The following GAS2 variants were observed in gnomAD, a reference collection of about 807,000 sequenced individuals.
GAS2 encodes the protein growth arrest-specific protein 2.
In GAS2, 20 loss-of-function variants were observed where a neutral mutation model predicts 37.5. The observed-to-expected ratio is 0.53, with a 90% CI of 0.37 to 0.77. The LOEUF is 0.77. Among genes scored for constraint, GAS2 ranks in the 30% least tolerant of loss-of-function variants. The pLI is 0.00. For missense variants in GAS2, 336 were observed against 373.4 expected, an observed-to-expected ratio of 0.90 and a Z score of 0.82; for synonymous variants, 144 against 132.2, an observed-to-expected ratio of 1.09 and a Z score of -0.61.
intron 3 of GAS2, among the ~76,000 whole-genome samples, chr11:22,721,194 T>G (rs2061240192): frequency 6.6e-6 from 1 of 152,002 alleles, no homozygotes; most frequent in African/African-American, 2.4e-5. Flanking sequence ...ACTTACAACA[T>G]GAGTACCCTC....
At chr11:22,695,310 A>T (rs1424080363) in intron 3 of GAS2, among the ~76,000 whole-genome samples, 3 of 148,258 alleles carry the variant, frequency 2.0e-5, no homozygotes, top group African/African-American at 5.0e-5. Context: ...ACAGAGTGAG[A>T]CTCCTTCTCA....
At chr11:22,763,392 T>C (rs1854500525) in intron 7 of GAS2, among the ~76,000 whole-genome samples, 1 of 152,148 alleles carries the variant, frequency 6.6e-6, no homozygotes, top group African/African-American at 2.4e-5. Flanking sequence ...TTACGTTCTT[T>C]TTTGCTCTTA....
At chr11:22,697,711 G>C (rs1347039116) in intron 3 of GAS2, among the ~76,000 whole-genome samples, 2 of 152,154 alleles carry the variant, frequency 1.3e-5, no homozygotes, top group African/African-American at 4.8e-5. Context: ...AAGCAATTGT[G>C]AATGGGAATT....
At chr11:22,659,431 C>T (rs1206008056) in intron 1 of GAS2, among the ~76,000 whole-genome samples, 1 of 152,154 alleles carries the variant, frequency 6.6e-6, no homozygotes, top group African/African-American at 2.4e-5. Context: ...CTTCCCTGAC[C>T]CCCATCTATC....
At chr11:22,778,540 T>C (rs1342932201) in intron 7 of GAS2, among the ~76,000 whole-genome samples, 3 of 152,202 alleles carry the variant, frequency 2.0e-5, no homozygotes, top group African/African-American at 4.8e-5. Context: ...TGAAGTGAGA[T>C]GTAAATGATG....
In GAS2 at chr11:22,641,118, C is replaced by T. The variant is rs995304253; in HGVS notation, c.-21+15305C>T. Among the ~76,000 whole-genome samples the T allele has an allele frequency of 1.1e-4, 16 of 150,528 alleles. No homozygotes were observed. In the Admixed American group the frequency reaches 1.1e-3, roughly 10 times the overall value. ...TTGACCAAGGGGAGGCATTAGCAAG[C>T]AGTCGGAAGGACTGGAGGAGGGAGG... On this transcript the variant is annotated intron_variant, in intron 1 of 5. Transcript: ENST00000528582.
chr11:22,763,009 C>T (rs1165560898), intron 7 of GAS2, among the ~76,000 whole-genome samples: 1 of 152,086 alleles, frequency 6.6e-6, no homozygotes, highest in Non-Finnish European at 1.5e-5. Flanking sequence ...AAATTCCATA[C>T]TGATGCTCCA....
chr11:22,720,393 C>T (rs1014724895), intron 3 of GAS2, among the ~76,000 whole-genome samples: 16 of 152,042 alleles, frequency 1.1e-4, no homozygotes, highest in African/African-American at 3.9e-4. Context: ...TAAGATACCA[C>T]AAAGTTTTTT....
intron 3 of GAS2, among the ~76,000 whole-genome samples, chr11:22,706,645 C>T (rs1475088824): frequency 1.3e-5 from 2 of 152,148 alleles, no homozygotes; most frequent in African/African-American, 2.4e-5. Flanking sequence ...TCATCCATGT[C>T]CCTACAAAGG....
chr11:22,776,327 G>C lies in GAS2; in HGVS notation c.723+20374G>C, dbSNP rs1157373687. Among the ~76,000 whole-genome samples, 545 of 152,316 alleles carry C rather than the reference G, an allele frequency of 3.6e-3. 1 individual carries two copies. Among genetic ancestry groups the C allele is most frequent in the African/African-American group, 0.012 (516 of 41,570 alleles). On this transcript the variant is annotated intron_variant, in intron 7 of 7. Coordinates refer to ENST00000454584, the MANE Select transcript of GAS2 (RefSeq NM_001143830.3). ...AGCAATGAATTTGCGTGGTGGCTGT[G>C]TTCCAATAACACTGTACTTACAAAA...
chr11:22,662,892 A>AT (rs1297114965), upstream of GAS2, among the ~76,000 whole-genome samples: 4 of 152,126 alleles, frequency 2.6e-5, no homozygotes, highest in South Asian at 8.3e-4. Flanking sequence ...AAAAAAAAAA[A>AT]AAATAAAAAT....
At chr11:22,782,727 C>CA (rs34232571) in intron 7 of GAS2, among the ~76,000 whole-genome samples, 45,945 of 119,194 alleles carry the variant, frequency 0.39, 8,249 homozygotes, top group East Asian at 0.46. Flanking sequence ...CATGTTGCTG[C>CA]AAAAAAAAAA....
At chr11:22,718,557 T>C (rs1851798650) in intron 3 of GAS2, among the ~76,000 whole-genome samples, 1 of 151,894 alleles carries the variant, frequency 6.6e-6, no homozygotes, top group Non-Finnish European at 1.5e-5. Flanking sequence ...GCACAATGGG[T>C]ACATTGTACA....
At chr11:22,747,699 A>C (rs1272092639) in intron 5 of GAS2, among the ~76,000 whole-genome samples, 2 of 152,158 alleles carry the variant, frequency 1.3e-5, no homozygotes, top group Non-Finnish European at 2.9e-5. Flanking sequence ...TCACAAGCAA[A>C]GTGGGGGGTC....
At chr11:22,644,309 T>A (rs2133821469) in intron 1 of GAS2, among the ~76,000 whole-genome samples, 1 of 152,308 alleles carries the variant, frequency 6.6e-6, no homozygotes, top group South Asian at 2.1e-4. Flanking sequence ...CAAAATAAAC[T>A]GGCTGAAATA....
intron 7 of GAS2, among the ~76,000 whole-genome samples, chr11:22,787,676 G>A (rs879635244): frequency 1.3e-5 from 2 of 152,158 alleles, no homozygotes; most frequent in Non-Finnish European, 2.9e-5. Context: ...GGAAAAACAC[G>A]TTTGCTTCTT....
chr11:22,754,590 A>T (rs1418284173), intron 6 of GAS2, among the ~76,000 whole-genome samples: 2 of 147,834 alleles, frequency 1.4e-5, no homozygotes, highest in Non-Finnish European at 3.0e-5. Flanking sequence ...AGATAAATTT[A>T]ATTTCAGGGT....
intron 3 of GAS2, among the ~76,000 whole-genome samples, chr11:22,715,108 A>G (rs976570475): frequency 4.6e-5 from 7 of 152,326 alleles, no homozygotes; most frequent in African/African-American, 1.7e-4. Flanking sequence ...CAAAATTGAT[A>G]GACTGTTAAT....
At chr11:22,727,586 C>T (rs1012282534) in intron 4 of GAS2, among the ~76,000 whole-genome samples, 2 of 151,866 alleles carry the variant, frequency 1.3e-5, no homozygotes, top group Non-Finnish European at 2.9e-5. Context: ...ATGGGAACAG[C>T]ATAAATTTAG....
Sources: allele counts gnomAD v4.1 joint callset (sites outside exome capture counted in the v4.1 genomes callset), GRCh38; gene constraint gnomAD v4.1.1; transcripts MANE v1.5; gene names NCBI Gene and HGNC (gene_info 2026-07-23, HGNC 2026-07-21).